WDR45B: variants seen among roughly 807,000 people sequenced by gnomAD.
WDR45B encodes the protein WD repeat domain phosphoinositide-interacting protein 3.
A neutral mutation model predicts 44.6 loss-of-function variants in WDR45B; 20 were observed. That is an observed-to-expected ratio of 0.45 (90% confidence interval 0.32 to 0.65). The LOEUF is 0.65. Ranked by LOEUF, WDR45B falls within the 30% of genes least tolerant of loss-of-function variation. WDR45B has a pLI of 0.05. For synonymous variants in WDR45B, 169 were observed against 164.9 expected, an observed-to-expected ratio of 1.02 and a Z score of -0.19; for missense variants, 323 against 430.2, an observed-to-expected ratio of 0.75 and a Z score of 2.20.
chr17:82,644,512 A>T, intron 1 of WDR45B: 1 of 205,658 alleles, frequency 4.9e-6, no homozygotes, highest in East Asian at 1.1e-4. Flanking sequence ...CCCACCTATA[A>T]ATCATCCTAA....
intron 2 of WDR45B, chr17:82,636,602 T>C (rs2045835933): frequency 6.6e-6 from 1 of 152,020 alleles, no homozygotes; most frequent in African/African-American, 2.4e-5. Context: ...CAAGGGCTGG[T>C]ACTGAAATAT....
intron 3 of WDR45B, chr17:82,629,675 C>G: frequency 1.0e-6 from 1 of 985,336 alleles, no homozygotes; most frequent in South Asian, 4.7e-5. Flanking sequence ...CCAGTCCTCA[C>G]CCGAGTGTGG....
chr17:82,630,925 G>T lies in WDR45B; in HGVS notation c.240C>A (p.Asn80Lys). The T allele has an allele frequency of 1.9e-6, 3 of 1,612,126 alleles. No individual in the cohort carries two copies. Among genetic ancestry groups the T allele is most frequent in the Non-Finnish European group, 1.7e-6 (2 of 1,179,804 alleles). Residue 80 changes from asparagine (N) to lysine (K), a missense_variant, in exon 3 of 10, where the codon AAC (asparagine) becomes AAA (lysine). Asn to Lys is a moderately conservative substitution (Grantham distance 94). Transcript: ENST00000392325. ...GGGKKPKYPP[N>K]KVMIWDDLKK... is the part of the protein sequence containing the mutation. ...TTCAATACACAATTACAGTACCTTTGTTGGGAGGGTATTTCGGCTTTTTTC... is the reference window on the plus strand; with the variant it reads ...TTCAATACACAATTACAGTACCTTTTTTGGGAGGGTATTTCGGCTTTTTTC...
At chr17:82,640,570 C>T (rs1485228313) in intron 2 of WDR45B, among the ~76,000 whole-genome samples, 1 of 152,052 alleles carries the variant, frequency 6.6e-6, no homozygotes, top group African/African-American at 2.4e-5. Context: ...AGGATGGTTT[C>T]GATCTCCTGA....
At position 82,648,370 on chromosome 17, in the gene WDR45B, A is replaced by G. The variant is rs1012528993; in HGVS notation, c.-30T>C. ...CCGCCGTGCTGGGTCGCCGCTCCTC[A>G]GCGCTGCATGCCTCTCGCTGGGGAC... On this transcript the variant is annotated 5_prime_UTR_variant, in exon 1 of 10. The change abolishes the stop of an existing upstream ORF in the 5' untranslated region. Transcript: ENST00000392325. The G allele has an allele frequency of 6.2e-7, 1 of 1,600,440 alleles. No individual in the cohort carries two copies. The highest frequency in any genetic ancestry group is 1.1e-5 in the South Asian group (1 of 89,436).
intron 5 of WDR45B, among the ~76,000 whole-genome samples, chr17:82,625,048 C>T (rs911793796): frequency 2.0e-5 from 3 of 152,172 alleles, no homozygotes; most frequent in Non-Finnish European, 4.4e-5. Context: ...ATCAATCCTC[C>T]AATTCAGAAG....
intron 3 of WDR45B, 21 bp from the exon 4 acceptor site, chr17:82,627,312 G>T (rs771863280): frequency 9.5e-6 from 15 of 1,581,352 alleles, no homozygotes; most frequent in African/African-American, 1.3e-5. Context: ...AGAAAGAAAA[G>T]ATGAATGCAG....
chr17:82,615,548 T>C lies in WDR45B; in HGVS notation c.*371A>G, dbSNP rs2045520459. The stretch of plus-strand genomic sequence containing the variant: ...CAGACTCAGTAAGAACGACGGAATC[T>C]GCTGCAAAAACAAACCTGAACTCGT... On this transcript the variant is annotated 3_prime_UTR_variant, in exon 10 of 10. Transcript: ENST00000392325. 2 of 322,370 alleles carry C rather than the reference T, an allele frequency of 6.2e-6. No individual in the cohort carries two copies. The highest frequency in any genetic ancestry group is 8.5e-5 in the Admixed American group (2 of 23,418). 20.0% of individuals were successfully genotyped at this position (322,370 alleles called of 1,614,324 possible).
chr17:82,646,447 A>AT (rs1238399930), intron 1 of WDR45B, among the ~76,000 whole-genome samples: 1 of 133,206 alleles, frequency 7.5e-6, no homozygotes, highest in Non-Finnish European at 1.5e-5. Flanking sequence ...AGAACGCGCC[A>AT]TTGCACTCCA....
intron 2 of WDR45B, among the ~76,000 whole-genome samples, chr17:82,641,820 C>A (rs1270751985): frequency 6.6e-6 from 1 of 152,006 alleles, no homozygotes; most frequent in African/African-American, 2.4e-5. Flanking sequence ...AAGGCCTGAA[C>A]CCGGGAGGCG....
At chr17:82,624,804 G>C (rs2045673057) in intron 5 of WDR45B, among the ~76,000 whole-genome samples, 1 of 150,050 alleles carries the variant, frequency 6.7e-6, no homozygotes, top group South Asian at 2.1e-4. Flanking sequence ...ATTTTTAGTA[G>C]AGACAGGGTT....
chr17:82,628,530 G>C (rs942497500), intron 3 of WDR45B, among the ~76,000 whole-genome samples: 2 of 152,040 alleles, frequency 1.3e-5, no homozygotes, highest in South Asian at 2.1e-4. Flanking sequence ...TTGAGGCCAA[G>C]AGTTCAAGAC....
intron 2 of WDR45B, among the ~76,000 whole-genome samples, chr17:82,639,173 T>C (rs1458328559): frequency 6.6e-6 from 1 of 152,054 alleles, no homozygotes; most frequent in Non-Finnish European, 1.5e-5. Flanking sequence ...ACACCATCTA[T>C]GCTATTCTCT....
chr17:82,621,937 G>C (rs1485816747), intron 5 of WDR45B, 138 bp from the exon 6 acceptor site: 3 of 1,056,584 alleles, frequency 2.8e-6, no homozygotes, highest in Non-Finnish European at 2.8e-6. Flanking sequence ...TCAATTTAAA[G>C]ATTTTTCATT....
chr17:82,642,294 T>G (rs1404466334), intron 2 of WDR45B, among the ~76,000 whole-genome samples: 1 of 152,138 alleles, frequency 6.6e-6, no homozygotes, highest in African/African-American at 2.4e-5. Context: ...CACAGAAGCA[T>G]GAACCCCACT....
chr17:82,627,004 G>A (rs1020683615), intron 4 of WDR45B, 200 bp downstream of exon 4: 3 of 615,468 alleles, frequency 4.9e-6, no homozygotes, highest in Admixed American at 2.5e-5. Context: ...ACCTCCAGCG[G>A]AGCCCTGGAA....
intron 4 of WDR45B, 157 bp from the exon 5 acceptor site, chr17:82,625,640 GCCAGGCC>G (rs2045686131): frequency 1.3e-6 from 1 of 757,550 alleles, no homozygotes; most frequent in African/African-American, 1.7e-5. Context: ...GGTAGCCAGC[GCCAGGCC>G]TGGAGCTCGG....
chr17:82,621,599 G>A lies in WDR45B; in HGVS notation c.618+10C>T. 1 of 1,614,026 alleles carries A rather than the reference G, an allele frequency of 6.2e-7. No homozygotes were observed. Among genetic ancestry groups the A allele is most frequent in the East Asian group, 2.2e-5 (1 of 44,882 alleles). On this transcript the variant is annotated intron_variant, in intron 6 of 9. Coordinates refer to ENST00000392325, the MANE Select transcript of WDR45B (RefSeq NM_019613.4). ...AGGCACAACACCAACAAGGTGAGTG[G>A]CACACTTACTTTCTCGGATGCAGTT... is the stretch of plus-strand genomic sequence containing the variant.
rs1314629908 is a variant in WDR45B at position 82,616,629 on chromosome 17, A to G, written c.823T>C (p.Phe275Leu). 1.2e-6 allele frequency: 2 copies of G among 1,614,228 alleles called. No individual in the cohort carries two copies. The highest frequency in any genetic ancestry group is 1.7e-5 in the Admixed American group (1 of 60,028). Reference sequence around the variant, plus strand: ...TTGGAACTGAAGTATTTTGGAAGGAAACTGGCTGAGGCCAAACTGTGAAGA... The same window carrying G: ...TTGGAACTGAAGTATTTTGGAAGGAGACTGGCTGAGGCCAAACTGTGAAGA... The part of the protein sequence containing the change: ...NKQSSLASAS[F>L]LPKYFSSKWS... The change falls in exon 9 of 10, where the codon TTC becomes CTC. Residue 275 changes from phenylalanine to leucine, a missense_variant. Phe to Leu is a conservative substitution (Grantham distance 22, BLOSUM62 0). Coordinates refer to ENST00000392325, the MANE Select transcript of WDR45B (RefSeq NM_019613.4).
Sources: allele counts gnomAD v4.1 joint callset (sites outside exome capture counted in the v4.1 genomes callset), GRCh38; gene constraint gnomAD v4.1.1; transcripts MANE v1.5; gene names NCBI Gene and HGNC (gene_info 2026-07-23, HGNC 2026-07-21).